The following EEF2K variants were observed in gnomAD, a reference collection of about 807,000 sequenced individuals.
EEF2K encodes the protein alternative protein EEF2K.
In EEF2K, 70 loss-of-function variants were observed where a neutral mutation model predicts 93.8. The observed-to-expected ratio is 0.75, with a 90% CI of 0.62 to 0.91. EEF2K has a LOEUF of 0.91. EEF2K is among the 40% of genes least tolerant of loss of function. The pLI, the probability that EEF2K is intolerant of heterozygous loss-of-function variation, is 0.00. For synonymous variants in EEF2K, 376 were observed against 380.8 expected (o/e 0.99, Z 0.15); for missense variants, 935 against 972.9 (o/e 0.96, Z 0.52).
chr16:22,232,611 G>A (rs967742292), intron 2 of EEF2K, among the ~76,000 whole-genome samples: 1 of 152,172 alleles, frequency 6.6e-6, no homozygotes, highest in Non-Finnish European at 1.5e-5. Flanking sequence ...ATGTGTGTGA[G>A]TCATTCTCCA....
In EEF2K at chr16:22,234,512, G is replaced by A. The variant is rs548030213; in HGVS notation, c.246+8537G>A. 3.1e-4 allele frequency among the ~76,000 whole-genome samples: 46 copies of A among 150,600 alleles called. 1 individual carries two copies. The highest frequency in any genetic ancestry group is 1.1e-3 in the African/African-American group (43 of 40,922). ...GCGGAGGTTGCAGTGAGCCAAGATCGCACCACTGCACTCCAGCCTGGGCAA... is the reference window on the plus strand; with the variant it reads ...GCGGAGGTTGCAGTGAGCCAAGATCACACCACTGCACTCCAGCCTGGGCAA... On this transcript the variant is annotated intron_variant, in intron 2 of 17. Coordinates refer to ENST00000263026, the MANE Select transcript of EEF2K (RefSeq NM_013302.5).
rs150809227 is a variant in EEF2K, at chr16:22,217,283, G to C, written c.-76-8371G>C. Among the ~76,000 whole-genome samples, 105 of 151,778 alleles carry C rather than the reference G, an allele frequency of 6.9e-4. 1 individual carries two copies. In the South Asian group the frequency reaches 7.9e-3, roughly 11 times the overall value. On this transcript the variant is annotated intron_variant, in intron 1 of 17. Coordinates refer to ENST00000263026, the MANE Select transcript of EEF2K (RefSeq NM_013302.5). ...ATAACACTGAGAATAGTTGGAAGTA[G>C]TTGCCTCTAGGGTTGGGAAGTAGGG...
chr16:22,245,612 G>C (rs2047280760), intron 3 of EEF2K, among the ~76,000 whole-genome samples: 1 of 152,098 alleles, frequency 6.6e-6, no homozygotes, highest in African/African-American at 2.4e-5. Context: ...TCAGCCCGGA[G>C]GGAGGTTTCA....
In EEF2K at chr16:22,257,738, A is replaced by G; in HGVS notation, c.997A>G (p.Arg333Gly). The G allele has an allele frequency of 6.2e-7, 1 of 1,613,870 alleles. No individual in the cohort carries two copies. Among genetic ancestry groups the G allele is most frequent in the Non-Finnish European group, 8.5e-7 (1 of 1,180,018 alleles). Residue 333 changes from arginine (R) to glycine (G), a missense_variant, in exon 9 of 18, where the codon AGG becomes GGG. Physicochemically the swap from Arg to Gly is moderately radical, Grantham distance 125. Coordinates refer to ENST00000263026, the MANE Select transcript of EEF2K (RefSeq NM_013302.5). ...LAPFDLSPRE[R>G]DAVNQNTKLL... The stretch of plus-strand genomic sequence containing the variant: ...TCCCTTTGACCTCTCGCCCCGGGAG[A>G]GGGATGCAGTGAATCAGAACACCAA...
chr16:22,276,673 A>G (rs1567290695), intron 16 of EEF2K, among the ~76,000 whole-genome samples: 1 of 152,150 alleles, frequency 6.6e-6, no homozygotes, highest in Non-Finnish European at 1.5e-5. Context: ...CCTTTCCCAT[A>G]TGTTTTCAGG....
intron 9 of EEF2K, 146 bp downstream of exon 9, chr16:22,257,916 C>T: frequency 8.1e-7 from 1 of 1,236,428 alleles, no homozygotes; most frequent in Admixed American, 2.4e-5. Context: ...CCATCCATGC[C>T]CCAGCCCGTC....
At chr16:22,251,460 A>G (rs2047351891) in intron 6 of EEF2K, 138 bp downstream of exon 6, 1 of 1,168,912 alleles carries the variant, frequency 8.6e-7, no homozygotes, top group African/African-American at 1.6e-5. Flanking sequence ...GTCACCCACC[A>G]CCAAGGCTGG....
At chr16:22,248,872 A>C in intron 4 of EEF2K, 57 bp downstream of exon 4, 1 of 1,584,362 alleles carries the variant, frequency 6.3e-7, no homozygotes. Flanking sequence ...TTCTGCAGCT[A>C]ACTTTGGTCT....
intron 15 of EEF2K, among the ~76,000 whole-genome samples, chr16:22,268,398 T>A (rs1048830580): frequency 6.6e-5 from 10 of 151,956 alleles, no homozygotes; most frequent in Non-Finnish European, 4.4e-5. Flanking sequence ...CTGGAACTCC[T>A]GACCTCAGGT....
chr16:22,260,005 G>A (rs376715495), intron 10 of EEF2K, among the ~76,000 whole-genome samples: 1 of 151,966 alleles, frequency 6.6e-6, no homozygotes, highest in East Asian at 1.9e-4. Flanking sequence ...CACCTGCCTC[G>A]GCCTCCCATA....
At position 22,280,218 on chromosome 16, in the gene EEF2K, C is replaced by T; in HGVS notation, c.1910C>T (p.Ala637Val). Reference sequence around the variant, plus strand: ...GCAAGGTGCCAAGACTGGCTAGAGGCCCTGCACTGGTACAACACTGCCCTG... The same window carrying T: ...GCAAGGTGCCAAGACTGGCTAGAGGTCCTGCACTGGTACAACACTGCCCTG... Reference protein sequence around the residue: ...SPDRCQDWLEALHWYNTALEM... With the variant: ...SPDRCQDWLEVLHWYNTALEM... The change falls in exon 17 of 18, where the codon GCC becomes GTC. Residue 637 changes from alanine to valine, a missense_variant. Transcript: ENST00000263026. 6.4e-7 allele frequency: 1 copy of T among 1,552,940 alleles called. No homozygotes were observed. Among genetic ancestry groups the T allele is most frequent in the South Asian group, 1.2e-5 (1 of 81,972 alleles).
At chr16:22,228,978 C>T (rs1326665012) in intron 2 of EEF2K, among the ~76,000 whole-genome samples, 1 of 152,042 alleles carries the variant, frequency 6.6e-6, no homozygotes, top group Non-Finnish European at 1.5e-5. Context: ...TTTATTATTA[C>T]TTATTTTATT....
At chr16:22,241,695 G>A (rs2047225394) in intron 2 of EEF2K, among the ~76,000 whole-genome samples, 3 of 149,828 alleles carry the variant, frequency 2.0e-5, no homozygotes, top group South Asian at 4.2e-4. Context: ...ATTAGTCTAC[G>A]GCATTGCTCC....
At chr16:22,250,341 C>G (rs953834876) in intron 4 of EEF2K, among the ~76,000 whole-genome samples, 106 of 152,086 alleles carry the variant, frequency 7.0e-4, no homozygotes, top group African/African-American at 2.6e-3. Context: ...CACTTTTTTT[C>G]TCTTACAGTC....
intron 6 of EEF2K, among the ~76,000 whole-genome samples, chr16:22,252,718 T>C (rs2047363225): frequency 6.6e-6 from 1 of 152,178 alleles, no homozygotes; most frequent in South Asian, 2.1e-4. Context: ...GACTGGGTAA[T>C]TTATAAAAGA....
chr16:22,231,556 A>G (rs551311288), intron 2 of EEF2K, among the ~76,000 whole-genome samples: 3 of 152,288 alleles, frequency 2.0e-5, no homozygotes, highest in African/African-American at 7.2e-5. Flanking sequence ...GGCTTTGTAT[A>G]TTTTTTAAAC....
In EEF2K at chr16:22,283,870, C is replaced by A. The variant is rs779502663; in HGVS notation, c.2069-17C>A. The A allele has an allele frequency of 9.5e-6, 15 of 1,570,684 alleles. No individual in the cohort carries two copies. Among genetic ancestry groups the A allele is most frequent in the African/African-American group, 1.4e-5 (1 of 74,004 alleles). On this transcript the variant is annotated splice_polypyrimidine_tract_variant and intron_variant, in intron 17 of 17. Transcript: ENST00000263026. ...CAGGTGGTTCACCTCTTTTTGCCCC[C>A]CTTTGCTGTCTTTCAGGGGACTTGT...
chr16:22,266,975 T>A, intron 15 of EEF2K, 99 bp downstream of exon 15: 1 of 1,425,526 alleles, frequency 7.0e-7, no homozygotes, highest in Non-Finnish European at 9.5e-7. Flanking sequence ...TTCACCTGCC[T>A]TCTATCCTGA....
At chr16:22,226,690 A>C (rs2047068299) in intron 2 of EEF2K, among the ~76,000 whole-genome samples, 1 of 151,780 alleles carries the variant, frequency 6.6e-6, no homozygotes, top group Non-Finnish European at 1.5e-5. Context: ...TCATTAAAAA[A>C]ATTTTTTTTG....
Sources: gnomAD v4.1 joint callset for allele counts (sites outside exome capture counted in the v4.1 genomes callset) on GRCh38, gnomAD v4.1.1 for gene constraint, MANE v1.5 for transcripts, NCBI Gene and HGNC (gene_info 2026-07-23, HGNC 2026-07-21) for gene names.